ANK2: variants seen among roughly 807,000 people sequenced by gnomAD.
The protein encoded by ANK2 is ankyrin 2, also known as ankyrin-2.
Under a neutral mutation model 360.5 loss-of-function variants are expected in ANK2, and 83 were observed. The observed-to-expected ratio is 0.23, with a 90% CI of 0.19 to 0.28. The LOEUF (loss-of-function observed/expected upper bound fraction) is 0.28, where lower values mean the gene tolerates loss of function less well. Ranked by LOEUF, ANK2 falls within the 10% of genes least tolerant of loss-of-function variation. ANK2 has a pLI of 1.00. For synonymous variants in ANK2, 1,740 were observed against 1,759.5 expected (o/e 0.99, Z 0.28); for missense variants, 4,201 against 4,795.7 (o/e 0.88, Z 3.66).
At chr4:113,064,029 TTTG>T (rs773544495) in intron 1 of ANK2, among the ~76,000 whole-genome samples, 24 of 152,270 alleles carry the variant, frequency 1.6e-4, no homozygotes, top group African/African-American at 5.8e-4. Context: ...AAGACATTTT[TTTG>T]TTGTTGTTGT....
chr4:113,094,608 C>A (rs1421944360), intron 1 of ANK2, among the ~76,000 whole-genome samples: 1 of 151,990 alleles, frequency 6.6e-6, no homozygotes, highest in East Asian at 1.9e-4. Flanking sequence ...TTCTTGTTAG[C>A]AGCTTTTAAA....
chr4:112,836,491 G>C (rs886211749), intron 1 of ANK2, among the ~76,000 whole-genome samples: 1 of 152,232 alleles, frequency 6.6e-6, no homozygotes, highest in African/African-American at 2.4e-5. Context: ...GTTTGAAAGA[G>C]TTTTGAGGGC....
In ANK2 at chr4:113,365,031, T is replaced by C. The variant is rs770001257; in HGVS notation, c.10889-8T>C. On this transcript the variant is annotated splice_polypyrimidine_tract_variant and splice_region_variant and intron_variant, in intron 40 of 45. Transcript: ENST00000357077. ...GACATAATAAATGCTGTTTCTCTAA[T>C]GTGTCAGATACCAACCTCGTTGAAT... 41 of 1,613,584 alleles carry C rather than the reference T, an allele frequency of 2.5e-5. No homozygotes were observed. The highest frequency in any genetic ancestry group is 2.7e-5 in the Non-Finnish European group (32 of 1,179,756).
chr4:113,380,262 AAAAG>A (rs1326719337), intron 45 of ANK2, among the ~76,000 whole-genome samples: 3 of 151,450 alleles, frequency 2.0e-5, no homozygotes, highest in Non-Finnish European at 2.9e-5. Context: ...TCTAAAAAAA[AAAAG>A]AAGAATATAT....
At chr4:112,879,377 A>T (rs1001335925) in intron 1 of ANK2, among the ~76,000 whole-genome samples, 2 of 152,144 alleles carry the variant, frequency 1.3e-5, no homozygotes, top group Admixed American at 1.3e-4. Flanking sequence ...TCTATGGAGA[A>T]GTCTATGTGT....
the ANK2 span, among the ~76,000 whole-genome samples, chr4:112,727,429 C>G: frequency 2.3e-3 from 356 of 151,564 alleles, 1 homozygote; most frequent in African/African-American, 8.2e-3. Flanking sequence ...AGAAAAAGAA[C>G]AAATTAAGCC....
chr4:112,710,086 A>G, the ANK2 span, among the ~76,000 whole-genome samples: 3 of 152,316 alleles, frequency 2.0e-5, no homozygotes, highest in East Asian at 3.9e-4. Context: ...TTTCACAACA[A>G]TCCTGTGAAG....
chr4:113,250,199 A>G (rs1303853872), intron 10 of ANK2, among the ~76,000 whole-genome samples: 1 of 152,232 alleles, frequency 6.6e-6, no homozygotes, highest in Non-Finnish European at 1.5e-5. Context: ...TCAGATGACT[A>G]TGAAACATAT....
At chr4:113,142,776 A>G (rs2096680919) in intron 1 of ANK2, among the ~76,000 whole-genome samples, 1 of 152,118 alleles carries the variant, frequency 6.6e-6, no homozygotes, top group Non-Finnish European at 1.5e-5. Flanking sequence ...TTATTTAGGG[A>G]AAGTGTATTC....
At chr4:112,837,213 G>A (rs1437958447) in intron 1 of ANK2, among the ~76,000 whole-genome samples, 1 of 152,246 alleles carries the variant, frequency 6.6e-6, no homozygotes, top group African/African-American at 2.4e-5. Context: ...GTACAGCTCA[G>A]TCTGTTGCTT....
At chr4:113,240,781 G>A (rs1276031203) in intron 8 of ANK2, among the ~76,000 whole-genome samples, 198 bp downstream of exon 8, 1 of 152,038 alleles carries the variant, frequency 6.6e-6, no homozygotes, top group African/African-American at 2.4e-5. Flanking sequence ...TAAGAATGTT[G>A]TAAACTCATG....
chr4:112,871,723 A>C (rs999921714), intron 1 of ANK2, among the ~76,000 whole-genome samples: 29 of 152,158 alleles, frequency 1.9e-4, no homozygotes, highest in African/African-American at 7.0e-4. Context: ...GTATGATGTT[A>C]GTTGTGGGTT....
intron 4 of ANK2, among the ~76,000 whole-genome samples, chr4:113,228,042 G>A (rs1191490043): frequency 6.6e-6 from 1 of 152,186 alleles, no homozygotes; most frequent in East Asian, 1.9e-4. Flanking sequence ...CTATTCTGCT[G>A]GAAGTTGTAG....
At position 113,021,541 on chromosome 4, in the gene ANK2, C is replaced by CACACACACACATAT. The variant is rs1489947974; in HGVS notation, c.21+117028_21+117029insCACACACACATATA. ...ATACACACACACACCCACACACAAA[C>CACACACACACATAT]ATATATATATATATATATATATATA... is the stretch of plus-strand genomic sequence containing the variant. On this transcript the variant is annotated intron_variant, in intron 2 of 30. Transcript: ENST00000503271. 4.9e-3 allele frequency among the ~76,000 whole-genome samples: 467 copies of CACACACACACATAT among 95,604 alleles called. 22 individuals are homozygous for CACACACACACATAT. The highest frequency in any genetic ancestry group is 0.017 in the Admixed American group (146 of 8,834). The allele number at this position is 95,604 out of a possible 152,430, so 62.7% of individuals were successfully genotyped here.
chr4:113,237,160 C>T lies in ANK2; in HGVS notation c.657C>T (p.Asp219=), dbSNP rs761137041. ...TGCTTCAGAATGACCACAATGCTGA[C>T]GTACAATCCAAGGTACTTAAAGCTG... ...ALLLQNDHNA[D]VQSKMMVNRT... The change falls in exon 6 of 46, where the codon GAC becomes GAT. Residue 219 remains aspartate, a synonymous_variant. Coordinates refer to ENST00000357077, the MANE Select transcript of ANK2 (RefSeq NM_001148.6). 13 of 1,613,716 alleles carry T rather than the reference C, an allele frequency of 8.1e-6. No homozygotes were observed. Among genetic ancestry groups the T allele is most frequent in the African/African-American group, 5.3e-5 (4 of 74,888 alleles).
chr4:113,302,912 A>T, intron 23 of ANK2, 73 bp downstream of exon 23: 1 of 1,283,200 alleles, frequency 7.8e-7, no homozygotes, highest in Non-Finnish European at 1.1e-6. Flanking sequence ...TTTTTTTCAG[A>T]GACCAAGCTG....
At chr4:113,318,438 G>A in intron 25 of ANK2, 79 bp from the exon 26 acceptor site, 1 of 1,156,500 alleles carries the variant, frequency 8.6e-7, no homozygotes, top group South Asian at 1.3e-5. Context: ...TTCCAGTGAT[G>A]ACACTTTTTA....
At chr4:113,197,809 G>C (rs2098771569) in intron 3 of ANK2, among the ~76,000 whole-genome samples, 1 of 152,108 alleles carries the variant, frequency 6.6e-6, no homozygotes, top group South Asian at 2.1e-4. Flanking sequence ...CATAAAGAGG[G>C]AGTAAACATT....
chr4:112,819,498 G>T (rs2056377187), intron 1 of ANK2, among the ~76,000 whole-genome samples: 1 of 151,928 alleles, frequency 6.6e-6, no homozygotes, highest in Non-Finnish European at 1.5e-5. Context: ...TGAATGCAAA[G>T]AAAATATGCT....
Sources: allele counts gnomAD v4.1 joint callset (sites outside exome capture counted in the v4.1 genomes callset), GRCh38; gene constraint gnomAD v4.1.1; transcripts MANE v1.5; gene names NCBI Gene and HGNC (gene_info 2026-07-23, HGNC 2026-07-21).